The following THRA variants were observed in gnomAD, a reference collection of about 807,000 sequenced individuals.
THRA encodes EAR-7.
THRA carries 13 observed loss-of-function variants against 45.0 expected under a neutral mutation model. The ratio of observed to expected loss-of-function variants is 0.29; its 90% CI spans 0.19 to 0.46. The LOEUF is 0.46. Among genes scored for constraint, THRA ranks in the 20% least tolerant of loss-of-function variants. The probability of loss-of-function intolerance (pLI) is 1.00; values close to 1 mark genes in which losing one functional copy is unlikely to be tolerated. For missense variants in THRA, 278 were observed against 556.1 expected (o/e 0.50, Z 5.03); for synonymous variants, 195 against 214.0 (o/e 0.91, Z 0.78).
At chr17:40,084,351 G>T in intron 5 of THRA, 1 of 521,388 alleles carries the variant, frequency 1.9e-6, no homozygotes, top group Non-Finnish European at 3.4e-6. Context: ...CAGGATATTC[G>T]AGTAACCACC....
At chr17:40,093,217 G>A (rs1379843214), downstream of THRA, 6 of 1,613,708 alleles carry the variant, frequency 3.7e-6, no homozygotes, top group African/African-American at 1.3e-5. The surrounding 1 kb of genome is among the most constrained non-coding windows in gnomAD (Gnocchi z 5.9). Context: ...ACCAGAGCCC[G>A]AAGAGCCCGC....
chr17:40,087,893 G>T (rs979930962), intron 7 of THRA, among the ~76,000 whole-genome samples: 2 of 152,132 alleles, frequency 1.3e-5, no homozygotes, highest in African/African-American at 2.4e-5. Flanking sequence ...TGAGTAGCTG[G>T]GACTACAGGC....
intron 4 of THRA, among the ~76,000 whole-genome samples, chr17:40,082,893 G>C (rs1189908158): frequency 6.7e-6 from 1 of 149,372 alleles, no homozygotes; most frequent in African/African-American, 2.5e-5. Flanking sequence ...AGCCTCCTGA[G>C]TAGCTGGGAT....
Position 40,092,759 on chromosome 17 carries a change from A to C in THRA, c.*3303A>C, listed in dbSNP as rs1486745177. The C allele has an allele frequency of 1.2e-3, 213 of 171,372 alleles. No individual in the cohort carries two copies. The highest frequency in any genetic ancestry group is 2.8e-3 in the South Asian group (27 of 9,476). 10.6% of individuals were successfully genotyped at this position (171,372 alleles called of 1,614,324 possible). A position where few individuals can be genotyped will look rare whatever the true frequency, so the allele number is the denominator to read the frequency against. ...CCAGCCTTGGCAGTATTTCCACCCC[A>C]CCCCCCAAACGAGCACACACCACAG... On this transcript the variant is annotated 3_prime_UTR_variant, in exon 9 of 9. Transcript: ENST00000450525.
chr17:40,082,728 G>A (rs1197770849), intron 4 of THRA, among the ~76,000 whole-genome samples: 1 of 139,000 alleles, frequency 7.2e-6, no homozygotes, highest in Non-Finnish European at 1.5e-5. Flanking sequence ...TAAAGCAGAT[G>A]TGATAACTGC....
In THRA at chr17:40,090,056, A is replaced by C. The variant is rs1219242744; in HGVS notation, c.*600A>C. On this transcript the variant is annotated 3_prime_UTR_variant, in exon 9 of 9. Coordinates refer to ENST00000450525, the MANE Select transcript of THRA (RefSeq NM_199334.5). ...ACAGAGAGAAAAATACAAAAAAGAG[A>C]GAGCGAGCGATAGAGAGAGATGATA... The C allele has an allele frequency of 6.1e-6, 6 of 984,148 alleles. No individual in the cohort carries two copies. Among genetic ancestry groups the C allele is most frequent in the Non-Finnish European group, 7.2e-6 (6 of 828,300 alleles). The allele number at this position is 984,148 out of a possible 1,614,324, so 61.0% of individuals were successfully genotyped here.
At chr17:40,066,919 A>T (rs1442107791) in intron 1 of THRA, among the ~76,000 whole-genome samples, 1 of 152,168 alleles carries the variant, frequency 6.6e-6, no homozygotes, top group Non-Finnish European at 1.5e-5. Flanking sequence ...TTTTTGAGGA[A>T]AAATGTTTTT....
intron 6 of THRA, among the ~76,000 whole-genome samples, chr17:40,086,287 A>G (rs931938082): frequency 2.0e-5 from 3 of 152,194 alleles, no homozygotes; most frequent in African/African-American, 7.2e-5. Flanking sequence ...CAGACTGCCC[A>G]AGTTCAAACC....
At chr17:40,085,847 T>C (rs545612299) in intron 6 of THRA, among the ~76,000 whole-genome samples, 16 of 152,248 alleles carry the variant, frequency 1.1e-4, no homozygotes, top group African/African-American at 3.6e-4. Flanking sequence ...TTCTCCATGT[T>C]GGTCAGGCTT....
chr17:40,084,449 C>A, intron 5 of THRA, 161 bp from the exon 6 acceptor site: 1 of 722,370 alleles, frequency 1.4e-6, no homozygotes. Flanking sequence ...TAATCATGAT[C>A]CGGGTTGTGC....
chr17:40,080,319 C>G (rs1272303374), intron 4 of THRA, among the ~76,000 whole-genome samples: 1 of 151,564 alleles, frequency 6.6e-6, no homozygotes, highest in African/African-American at 2.4e-5. Context: ...GTAGGACGAT[C>G]ACTTGAGGCT....
Position 40,062,998 on chromosome 17 carries a change from G to T in THRA, c.-392G>T, listed in dbSNP as rs537121045. ...TCACACCCGGGCGCAGGAGGCGGGC[G>T]GCCCGGGCCCCACCGGCCCCCCATG... On this transcript the variant is annotated 5_prime_UTR_variant, in exon 1 of 9. Coordinates refer to ENST00000450525, the MANE Select transcript of THRA (RefSeq NM_199334.5). 2.0e-5 allele frequency: 3 copies of T among 151,240 alleles called. No individual in the cohort carries two copies. The highest frequency in any genetic ancestry group is 6.6e-5 in the Admixed American group (1 of 15,206). The allele number at this position is 151,240 out of a possible 1,614,324, so 9.4% of individuals were successfully genotyped here.
intron 7 of THRA, among the ~76,000 whole-genome samples, chr17:40,087,474 A>C (rs1416195540): frequency 2.0e-5 from 3 of 151,162 alleles, no homozygotes; most frequent in Non-Finnish European, 3.0e-5. Context: ...CACACACACA[A>C]ACACACAGGC....
rs370332354 is a variant in THRA, at chr17:40,089,471, A to G, written c.*15A>G. The G allele has an allele frequency of 6.1e-5, 99 of 1,613,314 alleles. 1 individual carries two copies. Among genetic ancestry groups the G allele is most frequent in the Non-Finnish European group, 8.2e-5 (97 of 1,179,514 alleles). ...AGGAAGTCTAAAGCCTCAGGCGGCC[A>G]GAGGGTGTGCGGAGCTGGTGGGGAG... On this transcript the variant is annotated 3_prime_UTR_variant, in exon 9 of 9. Coordinates refer to ENST00000450525, the MANE Select transcript of THRA (RefSeq NM_199334.5). This position sits in a 1 kb window ranked among gnomAD's most constrained non-coding sequence, Gnocchi z 6.1.
At chr17:40,077,710 T>TG in intron 4 of THRA, 102 bp downstream of exon 4, 2 of 921,170 alleles carry the variant, frequency 2.2e-6, no homozygotes, top group Non-Finnish European at 3.3e-6. Flanking sequence ...TTTTTTTTTT[T>TG]CTTTGAGACG....
chr17:40,081,794 T>C (rs1051849535), intron 4 of THRA, among the ~76,000 whole-genome samples: 1 of 151,554 alleles, frequency 6.6e-6, no homozygotes, highest in African/African-American at 2.4e-5. Context: ...TGAAACCCCA[T>C]CTCTATAAAA....
At chr17:40,076,553 C>G (rs937344966) in intron 2 of THRA, among the ~76,000 whole-genome samples, 1 of 152,130 alleles carries the variant, frequency 6.6e-6, no homozygotes, top group African/African-American at 2.4e-5. Context: ...GAGAATTCTT[C>G]CAGCGTATTC....
At chr17:40,093,136 GGGTCCGCA>G, downstream of THRA, 1 of 1,614,130 alleles carries the variant, frequency 6.2e-7, no homozygotes, top group Non-Finnish European at 8.5e-7. This position sits in a 1 kb window ranked among gnomAD's most constrained non-coding sequence, Gnocchi z 5.9. Context: ...ATGTTGTTCA[GGGTCCGCA>G]GGTCCGGCAG....
chr17:40,075,197 G>A (rs1043269149), intron 2 of THRA, among the ~76,000 whole-genome samples: 1 of 152,156 alleles, frequency 6.6e-6, no homozygotes, highest in Non-Finnish European at 1.5e-5. Context: ...GAGGAGCCCA[G>A]AGGGTCTCTG....
Sources: gnomAD v4.1 joint callset for allele counts (sites outside exome capture counted in the v4.1 genomes callset) on GRCh38, gnomAD v4.1.1 for gene constraint, Gnocchi (gnomAD v3.1) non-coding constraint, MANE v1.5 for transcripts, NCBI Gene and HGNC (gene_info 2026-07-23, HGNC 2026-07-21) for gene names.